ASRGL1: variants seen among roughly 807,000 people sequenced by gnomAD.
ASRGL1 encodes isoaspartyl peptidase/L-asparaginase.
ASRGL1 carries 16 observed loss-of-function variants against 22.4 expected under a neutral mutation model. The ratio of observed to expected loss-of-function variants is 0.71; its 90% confidence interval spans 0.48 to 1.08. The LOEUF is 1.08. ASRGL1 is among the 50% of genes least tolerant of loss of function. The pLI, the probability that ASRGL1 is intolerant of heterozygous loss-of-function variation, is 0.00. For synonymous variants in ASRGL1, 165 were observed against 159.3 expected (o/e 1.04, Z -0.27); for missense variants, 412 against 410.1 (o/e 1.00, Z -0.04).
chr11:62,356,472 A>C lies in ASRGL1; in HGVS notation c.333+5A>C. ...GCTCGGCTTGTCATGGAAAAGGTAT[A>C]TGTGACTAAAGCAGCCTTTTCCTAA... On this transcript the variant is annotated splice_donor_5th_base_variant and intron_variant, in intron 3 of 6. Coordinates refer to ENST00000415229, the MANE Select transcript of ASRGL1 (RefSeq NM_001083926.2). 6.2e-7 allele frequency: 1 copy of C among 1,613,992 alleles called. No individual in the cohort carries two copies. Among genetic ancestry groups the C allele is most frequent in the Non-Finnish European group, 8.5e-7 (1 of 1,179,866 alleles).
intron 2 of ASRGL1, among the ~76,000 whole-genome samples, chr11:62,355,861 A>G (rs1946277771): frequency 6.6e-6 from 1 of 152,136 alleles, no homozygotes; most frequent in South Asian, 2.1e-4. Flanking sequence ...TGTTTAACAA[A>G]GCACATCTTG....
intron 4 of ASRGL1, chr11:62,383,029 C>T (rs553747610): frequency 6.6e-6 from 1 of 152,316 alleles, no homozygotes; most frequent in Non-Finnish European, 1.5e-5. Context: ...AAAATAGAGT[C>T]TCTTATGTCT....
intron 4 of ASRGL1, among the ~76,000 whole-genome samples, chr11:62,368,581 A>G (rs997915329): frequency 7.9e-5 from 12 of 152,192 alleles, no homozygotes; most frequent in African/African-American, 2.7e-4. Flanking sequence ...GAGACAAAGT[A>G]TAGAAGAAAA....
At chr11:62,375,511 C>T (rs1946903444) in intron 4 of ASRGL1, among the ~76,000 whole-genome samples, 1 of 129,148 alleles carries the variant, frequency 7.7e-6, no homozygotes, top group African/African-American at 2.8e-5. Context: ...AAATAAACGA[C>T]ATCATTATCT....
At position 62,338,100 on chromosome 11, in the gene ASRGL1, C is replaced by T. The variant is rs1205366259; in HGVS notation, c.123C>T (p.Gly41=). The part of the protein sequence containing the change: ...ATVGYGILRE[G]GSAVDAVEGA... ...TGGGCTACGGCATCCTCCGGGAGGG[C>T]GGGAGCGCCGTGGATGCCGTAGAGG... is the stretch of plus-strand genomic sequence containing the variant. The change falls in exon 2 of 7, where the codon GGC becomes GGT. Residue 41 remains glycine (G), a synonymous_variant. Coordinates refer to ENST00000415229, the MANE Select transcript of ASRGL1 (RefSeq NM_001083926.2). 1.2e-6 allele frequency: 2 copies of T among 1,606,656 alleles called. No homozygotes were observed. Among genetic ancestry groups the T allele is most frequent in the Non-Finnish European group, 1.7e-6 (2 of 1,177,096 alleles).
In ASRGL1 at chr11:62,356,332, G is replaced by T. The variant is rs756452285; in HGVS notation, c.198G>T (p.Gly66=). The T allele has an allele frequency of 6.2e-7, 1 of 1,614,116 alleles. No individual in the cohort carries two copies. Among genetic ancestry groups the T allele is most frequent in the South Asian group, 1.1e-5 (1 of 91,080 alleles). Residue 66 remains glycine (G), a synonymous_variant, in exon 3 of 7, where the codon GGG becomes GGT. Transcript: ENST00000415229. ...ACTTCTTTTTGGTTTTAGGTTGTGG[G>T]TCTGTCTTGAACACAAATGGTGAGG... ...EDDPEFNAGC[G]SVLNTNGEVE...
intron 4 of ASRGL1, among the ~76,000 whole-genome samples, chr11:62,364,643 A>T (rs1946566349): frequency 6.6e-6 from 1 of 152,272 alleles, no homozygotes. Context: ...GTATATATAC[A>T]GTGGAATATA....
At chr11:62,362,563 TATATAATA>T (rs1946475791) in intron 4 of ASRGL1, among the ~76,000 whole-genome samples, 1 of 1,244 alleles carries the variant, frequency 8.0e-4, no homozygotes, top group Non-Finnish European at 4.1e-3. Context: ...ATATATTATT[TATATAATA>T]TATATTATAT....
intron 4 of ASRGL1, chr11:62,372,186 C>A: frequency 9.9e-7 from 1 of 1,012,754 alleles, no homozygotes; most frequent in Non-Finnish European, 1.6e-6. Context: ...AGAGTAGAAG[C>A]CCCCAGACTC....
intron 4 of ASRGL1, among the ~76,000 whole-genome samples, chr11:62,386,490 G>GTACATATAA (rs1947214383): frequency 1.5e-5 from 1 of 68,658 alleles, no homozygotes; most frequent in East Asian, 4.8e-4. Flanking sequence ...ACATATATAT[G>GTACATATAA]TACATATATA....
intron 4 of ASRGL1, among the ~76,000 whole-genome samples, chr11:62,377,823 A>G (rs957041015): frequency 1.3e-5 from 2 of 152,220 alleles, no homozygotes; most frequent in Non-Finnish European, 2.9e-5. Context: ...AGTACAATGT[A>G]AAAGTCTTAA....
chr11:62,379,377 T>C (rs1470709478), intron 4 of ASRGL1, among the ~76,000 whole-genome samples: 1 of 152,184 alleles, frequency 6.6e-6, no homozygotes, highest in Admixed American at 6.5e-5. Context: ...TATGCAGCCT[T>C]TCCTGCCGGA....
At chr11:62,373,123 C>A in intron 4 of ASRGL1, 1 of 1,461,662 alleles carries the variant, frequency 6.8e-7, no homozygotes, top group Non-Finnish European at 9.6e-7. Context: ...GAAAGTGAAA[C>A]TGAGAAAGAA....
chr11:62,345,118 T>A (rs1362308815), intron 2 of ASRGL1, among the ~76,000 whole-genome samples: 1 of 152,224 alleles, frequency 6.6e-6, no homozygotes, highest in East Asian at 1.9e-4. Flanking sequence ...CATCTGTTGA[T>A]GAACATCTAG....
the ASRGL1 span, among the ~76,000 whole-genome samples, chr11:62,400,732 G>GT: frequency 6.6e-6 from 1 of 152,202 alleles, no homozygotes; most frequent in Non-Finnish European, 1.5e-5. Context: ...GCGTCACACA[G>GT]CAGGTAAGTG....
chr11:62,373,410 G>A (rs372097683), intron 4 of ASRGL1, among the ~76,000 whole-genome samples: 41 of 151,516 alleles, frequency 2.7e-4, no homozygotes, highest in African/African-American at 9.9e-4. Flanking sequence ...ATACTTGCTC[G>A]TAGTTGACTT....
chr11:62,389,411 T>G, intron 5 of ASRGL1, 160 bp downstream of exon 5: 1 of 753,658 alleles, frequency 1.3e-6, no homozygotes, highest in South Asian at 1.4e-5. Flanking sequence ...TGGAAGGGGT[T>G]GTTCGGGGTG....
rs533652846 is a variant in ASRGL1 at position 62,389,367 on chromosome 11, G to A, written c.610+116G>A. 314 of 1,010,836 alleles carry A rather than the reference G, an allele frequency of 3.1e-4. 1 individual carries two copies. The highest frequency in any genetic ancestry group is 4.4e-4 in the Non-Finnish European group (288 of 648,248). 62.6% of individuals were successfully genotyped at this position (1,010,836 alleles called of 1,614,324 possible). On this transcript the variant is annotated intron_variant, in intron 5 of 6. Coordinates refer to ENST00000415229, the MANE Select transcript of ASRGL1 (RefSeq NM_001083926.2). ...GCTGCGTTCCCTTTCTGCTTTTGGT[G>A]CAGCTCCAGGATGTCTGGGAGTGAC...
chr11:62,394,607 G>A (rs924099157), downstream of ASRGL1, among the ~76,000 whole-genome samples: 3 of 152,006 alleles, frequency 2.0e-5, 1 homozygote, highest in African/African-American at 7.3e-5. Context: ...AAAGGAAGGA[G>A]GGAGCTGGGG....
Sources: gnomAD v4.1 joint callset for allele counts (sites outside exome capture counted in the v4.1 genomes callset) on GRCh38, gnomAD v4.1.1 for gene constraint, MANE v1.5 for transcripts, NCBI Gene and HGNC (gene_info 2026-07-23, HGNC 2026-07-21) for gene names.